DACH2: variants seen among roughly 807,000 people sequenced by gnomAD.
DACH2 encodes the protein dachshund family transcription factor 2.
DACH2 carries 17 observed loss-of-function variants against 35.8 expected under a neutral mutation model. The ratio of observed to expected loss-of-function variants is 0.48; its 90% confidence interval spans 0.33 to 0.71. DACH2 has a LOEUF of 0.71. Among genes scored for constraint, DACH2 ranks in the 30% least tolerant of loss-of-function variants. The pLI is 0.02. For synonymous variants in DACH2, 195 were observed against 177.3 expected, an observed-to-expected ratio of 1.10 and a Z score of -0.79; for missense variants, 469 against 472.7, an observed-to-expected ratio of 0.99 and a Z score of 0.07.
chrX:86,613,515 TG>T (rs1453685712), intron 3 of DACH2, among the ~76,000 whole-genome samples: 1 of 111,996 alleles, frequency 8.9e-6, no homozygotes, highest in Non-Finnish European at 1.9e-5. Flanking sequence ...TTTTGGTTAA[TG>T]AAAAAATATG....
chrX:86,619,585 A>G (rs1291772941), intron 3 of DACH2, among the ~76,000 whole-genome samples: 3 of 112,192 alleles, frequency 2.7e-5, no homozygotes, highest in Non-Finnish European at 5.6e-5. Context: ...TGAACTCTTG[A>G]GATTTCTTCA....
At chrX:86,580,408 T>C (rs1446723422) in intron 3 of DACH2, among the ~76,000 whole-genome samples, 1 of 111,193 alleles carries the variant, frequency 9.0e-6, no homozygotes, top group African/African-American at 3.3e-5. Context: ...ATGACAGAAA[T>C]AGAATTCAGA....
At chrX:86,613,227 T>C (rs999408656) in intron 3 of DACH2, among the ~76,000 whole-genome samples, 7 of 111,737 alleles carry the variant, frequency 6.3e-5, no homozygotes, top group African/African-American at 1.9e-4. Flanking sequence ...ATCTATAGTT[T>C]ATTTTTGGTT....
intron 6 of DACH2, among the ~76,000 whole-genome samples, chrX:86,717,059 G>A (rs921639284): frequency 1.3e-4 from 15 of 112,108 alleles, no homozygotes; most frequent in Non-Finnish European, 2.4e-4. Context: ...TAAGTTAAGA[G>A]AGATATATTT....
At chrX:86,415,212 T>C (rs2036683003) in intron 2 of DACH2, among the ~76,000 whole-genome samples, 2 of 112,192 alleles carry the variant, frequency 1.8e-5, no homozygotes, top group Admixed American at 1.9e-4. Flanking sequence ...TAAAGCAATT[T>C]GGACTGACAG....
At chrX:86,255,957 T>G (rs753473234) in intron 1 of DACH2, among the ~76,000 whole-genome samples, 1 of 111,249 alleles carries the variant, frequency 9.0e-6, no homozygotes, top group South Asian at 3.8e-4. Flanking sequence ...CACAGGTTGA[T>G]TGAAGAACCT....
At chrX:86,652,347 T>C (rs143660620) in intron 4 of DACH2, among the ~76,000 whole-genome samples, 6,107 of 112,086 alleles carry the variant, frequency 0.054, 170 homozygotes, top group East Asian at 0.15. Context: ...CACTTTCTCA[T>C]TGATGGACAT....
intron 4 of DACH2, among the ~76,000 whole-genome samples, chrX:86,681,095 C>T (rs2040876719): frequency 9.0e-6 from 1 of 111,236 alleles, no homozygotes; most frequent in Admixed American, 9.6e-5. Flanking sequence ...TCCTTTCTAT[C>T]TTGCTTGATA....
At chrX:86,477,947 C>T (rs2037873823) in intron 2 of DACH2, among the ~76,000 whole-genome samples, 1 of 110,202 alleles carries the variant, frequency 9.1e-6, no homozygotes, top group Non-Finnish European at 1.9e-5. Context: ...AACAAAGAGA[C>T]AAAAAAAAGG....
intron 6 of DACH2, among the ~76,000 whole-genome samples, chrX:86,726,491 TA>T (rs1347962605): frequency 2.7e-5 from 3 of 110,304 alleles, no homozygotes; most frequent in African/African-American, 6.6e-5. Flanking sequence ...GAGATTGTCC[TA>T]GGGGTGTGTG....
chrX:86,379,630 G>A (rs996353856), intron 2 of DACH2, among the ~76,000 whole-genome samples: 2 of 110,601 alleles, frequency 1.8e-5, no homozygotes, highest in Non-Finnish European at 3.8e-5. Flanking sequence ...TGAGAAAGTC[G>A]AGAACTTTAA....
At chrX:86,760,416 G>C (rs950119146) in intron 7 of DACH2, among the ~76,000 whole-genome samples, 3 of 110,408 alleles carry the variant, frequency 2.7e-5, no homozygotes, top group Non-Finnish European at 5.7e-5. Context: ...CTTTATTTTT[G>C]TTTGACTGTG....
intron 3 of DACH2, among the ~76,000 whole-genome samples, chrX:86,633,077 CAAACAAACAAACA>C (rs1425372044): frequency 9.3e-6 from 1 of 107,103 alleles, no homozygotes; most frequent in African/African-American, 3.5e-5. Flanking sequence ...CCAAAACAAA[CAAACAAACAAACA>C]AAACAAACAA....
At chrX:86,618,020 A>G (rs2040026731) in intron 3 of DACH2, among the ~76,000 whole-genome samples, 1 of 112,358 alleles carries the variant, frequency 8.9e-6, no homozygotes, top group African/African-American at 3.2e-5. Context: ...TTGTGCCTGT[A>G]ATCCTGGGTA....
At chrX:86,248,026 TA>T (rs1485009286) in intron 1 of DACH2, among the ~76,000 whole-genome samples, 2 of 110,240 alleles carry the variant, frequency 1.8e-5, no homozygotes, top group African/African-American at 6.6e-5. Context: ...AACTAGGCAT[TA>T]AAAAAATACC....
chrX:86,778,354 T>C (rs2042055888), intron 7 of DACH2, among the ~76,000 whole-genome samples: 1 of 110,987 alleles, frequency 9.0e-6, no homozygotes, highest in Admixed American at 9.6e-5. Context: ...GGTGAGGTGA[T>C]ATCTCATTGT....
rs184576099 is a variant in DACH2 at position 86,271,367 on chromosome X, G to C, written c.489-105457G>C. Among the ~76,000 whole-genome samples, 176 of 112,169 alleles carry C rather than the reference G, an allele frequency of 1.6e-3. 1 individual carries two copies. Among genetic ancestry groups the C allele is most frequent in the East Asian group, 7.8e-3 (28 of 3,581 alleles). On this transcript the variant is annotated intron_variant, in intron 1 of 11. Coordinates refer to ENST00000373125, the MANE Select transcript of DACH2 (RefSeq NM_053281.3). The stretch of plus-strand genomic sequence containing the variant: ...TCCATCTTTTCCATGAATCCACATA[G>C]TTAATTTGATTTTTCCTTTTCTGTA...
intron 3 of DACH2, among the ~76,000 whole-genome samples, chrX:86,539,367 C>A (rs775064824): frequency 9.9e-5 from 11 of 111,455 alleles, no homozygotes; most frequent in Non-Finnish European, 1.9e-4. Context: ...TTTAAATTAT[C>A]CAATCTCATG....
intron 2 of DACH2, among the ~76,000 whole-genome samples, chrX:86,499,476 G>A (rs181915380): frequency 1.1e-3 from 122 of 111,521 alleles, no homozygotes; most frequent in African/African-American, 3.7e-3. Flanking sequence ...AGGTCATTTA[G>A]CCTAATATCT....
Sources: allele counts gnomAD v4.1 joint callset (sites outside exome capture counted in the v4.1 genomes callset), GRCh38; gene constraint gnomAD v4.1.1; transcripts MANE v1.5; gene names NCBI Gene and HGNC (gene_info 2026-07-23, HGNC 2026-07-21).